The following DRC3 variants were observed in gnomAD, a reference collection of about 807,000 sequenced individuals.
DRC3 encodes leucine rich repeat containing 48.
In DRC3, 45 loss-of-function variants were observed where a neutral mutation model predicts 57.6. The observed-to-expected ratio is 0.78, with a 90% CI of 0.62 to 1.00. The LOEUF is 1.00. Ranked by LOEUF, DRC3 falls within the 50% of genes least tolerant of loss-of-function variation. The pLI is 0.00. For synonymous variants in DRC3, 257 were observed against 272.3 expected, an observed-to-expected ratio of 0.94 and a Z score of 0.55; for missense variants, 655 against 675.2, an observed-to-expected ratio of 0.97 and a Z score of 0.33.
At position 18,007,152 on chromosome 17, in the gene DRC3, G is replaced by GCGGGGCGGGCGGAGCATGT; in HGVS notation, c.1326+15_1326+16insGGAGCATGTCGGGGCGGGC. Reference sequence around the variant, plus strand: ...CTGCCTAACGACCTGCGCGCGGTAGGCGGGGCGGGCTGCTCGGAGCCTGAC... The same window carrying GCGGGGCGGGCGGAGCATGT: ...CTGCCTAACGACCTGCGCGCGGTAGGCGGGGCGGGCGGAGCATGTCGGGGCGGGCTGCTCGGAGCCTGAC... On this transcript the variant is annotated splice_donor_region_variant and intron_variant, in intron 12 of 13. Transcript: ENST00000399187. The GCGGGGCGGGCGGAGCATGT allele has an allele frequency of 2.1e-6, 2 of 939,980 alleles. No homozygotes were observed. Among genetic ancestry groups the GCGGGGCGGGCGGAGCATGT allele is most frequent in the Non-Finnish European group, 3.0e-6 (2 of 662,998 alleles). The allele number at this position is 939,980 out of a possible 1,614,324, so 58.2% of individuals were successfully genotyped here. A position where few individuals can be genotyped will look rare whatever the true frequency, so the allele number is the denominator to read the frequency against.
chr17:17,980,913 T>C (rs2042647797), intron 3 of DRC3, among the ~76,000 whole-genome samples: 1 of 152,214 alleles, frequency 6.6e-6, no homozygotes, highest in African/African-American at 2.4e-5. Context: ...ATTTGTATTT[T>C]TTATTTTTTT....
At chr17:17,985,227 A>G (rs1339933162) in intron 4 of DRC3, among the ~76,000 whole-genome samples, 2 of 152,150 alleles carry the variant, frequency 1.3e-5, no homozygotes, top group African/African-American at 2.4e-5. Flanking sequence ...TCCCTAACAG[A>G]AGCTTATTTT....
At chr17:17,994,960 G>A in intron 7 of DRC3, 39 bp from the exon 8 acceptor site, 1 of 1,500,876 alleles carries the variant, frequency 6.7e-7, no homozygotes, top group Non-Finnish European at 9.3e-7. Context: ...AGGGGCCCCT[G>A]ACAGGAGCCG....
chr17:18,002,986 A>T (rs1228819748), intron 9 of DRC3, among the ~76,000 whole-genome samples: 2 of 152,194 alleles, frequency 1.3e-5, no homozygotes, highest in East Asian at 3.8e-4. Flanking sequence ...TTCACAAGCA[A>T]AATGAAGGCT....
At chr17:17,997,976 A>G (rs1223702938) in intron 9 of DRC3, among the ~76,000 whole-genome samples, 1 of 152,214 alleles carries the variant, frequency 6.6e-6, no homozygotes, top group Non-Finnish European at 1.5e-5. Context: ...CTATTTTGAC[A>G]GTAATGATTA....
chr17:18,013,172 A>G (rs2044228248), intron 12 of DRC3, among the ~76,000 whole-genome samples: 1 of 152,228 alleles, frequency 6.6e-6, no homozygotes, highest in Non-Finnish European at 1.5e-5. Context: ...TGAGGATGCA[A>G]AGAAAAAGGA....
chr17:17,999,236 G>T (rs2043588891), intron 9 of DRC3, among the ~76,000 whole-genome samples: 1 of 152,206 alleles, frequency 6.6e-6, no homozygotes, highest in African/African-American at 2.4e-5. Flanking sequence ...TTGCGGGCCA[G>T]CTCCTCAAAG....
rs143864842 is a variant in DRC3 at position 18,008,329 on chromosome 17, G to A, written c.1326+1182G>A. 2.6e-3 allele frequency among the ~76,000 whole-genome samples: 398 copies of A among 152,312 alleles called. No individual in the cohort carries two copies. The highest frequency in any genetic ancestry group is 9.1e-3 in the African/African-American group (380 of 41,564). ...CTGTATCACATGCCCCATTTATCAG[G>A]TCAGGTCAGAGCCTCATCATAGTTT... On this transcript the variant is annotated intron_variant, in intron 12 of 13. Coordinates refer to ENST00000399187, the MANE Select transcript of DRC3 (RefSeq NM_031294.4). This position sits in a 1 kb window ranked among gnomAD's most constrained non-coding sequence, Gnocchi z 4.3.
At chr17:17,981,322 C>A (rs771675435) in intron 3 of DRC3, 2 of 246,346 alleles carry the variant, frequency 8.1e-6, no homozygotes, top group Non-Finnish European at 1.8e-5. Flanking sequence ...CCTATCCCTG[C>A]AGACGGGACA....
chr17:17,985,755 G>C (rs868423618), intron 4 of DRC3, among the ~76,000 whole-genome samples: 1 of 152,250 alleles, frequency 6.6e-6, no homozygotes, highest in Middle Eastern at 3.4e-3. Flanking sequence ...GTAAACACTT[G>C]CTAGCACACC....
intron 8 of DRC3, among the ~76,000 whole-genome samples, chr17:17,996,083 C>T (rs2043447480): frequency 6.6e-6 from 1 of 152,204 alleles, no homozygotes; most frequent in Non-Finnish European, 1.5e-5. Flanking sequence ...TGCAATTGCG[C>T]AATCTCAGCT....
intron 9 of DRC3, among the ~76,000 whole-genome samples, chr17:18,004,047 C>G (rs1001288834): frequency 1.3e-5 from 2 of 152,092 alleles, no homozygotes; most frequent in African/African-American, 4.8e-5. Context: ...TCCTTCTACC[C>G]TGCCTACCAG....
intron 7 of DRC3, 129 bp downstream of exon 7, chr17:17,994,547 C>G: frequency 3.9e-6 from 5 of 1,279,706 alleles, no homozygotes; most frequent in Non-Finnish European, 5.3e-6. Flanking sequence ...TCCACAGGGC[C>G]TGATGCCCTC....
At chr17:17,995,146 C>T (rs1323365633) in intron 8 of DRC3, 35 bp downstream of exon 8, 24 of 1,502,326 alleles carry the variant, frequency 1.6e-5, no homozygotes, top group Non-Finnish European at 2.2e-5. Context: ...CTCAGAGCCT[C>T]TGCCACCAGC....
At chr17:17,988,745 G>A (rs1265917106) in intron 5 of DRC3, among the ~76,000 whole-genome samples, 1 of 152,170 alleles carries the variant, frequency 6.6e-6, no homozygotes, top group East Asian at 1.9e-4. Context: ...TCAGTCAGGT[G>A]GCCTGGGTTC....
rs1568540212 is a variant in DRC3, at chr17:18,008,627, C to T, written c.1326+1480C>T. Reference sequence around the variant, plus strand: ...ACTTCCACAGCCTCTGTCCTGGGGCCCAGACAGACACCCAACATAGCAGTG... The same window carrying T: ...ACTTCCACAGCCTCTGTCCTGGGGCTCAGACAGACACCCAACATAGCAGTG... On this transcript the variant is annotated intron_variant, in intron 12 of 13. Transcript: ENST00000399187. This position sits in a 1 kb window ranked among gnomAD's most constrained non-coding sequence, Gnocchi z 4.3. Among the ~76,000 whole-genome samples the T allele has an allele frequency of 6.6e-6, 1 of 152,202 alleles. No homozygotes were observed. Among genetic ancestry groups the T allele is most frequent in the African/African-American group, 2.4e-5 (1 of 41,442 alleles).
intron 9 of DRC3, among the ~76,000 whole-genome samples, chr17:17,998,087 T>C (rs2043538127): frequency 6.6e-6 from 1 of 152,200 alleles, no homozygotes; most frequent in Admixed American, 6.5e-5. Context: ...GTTCCTGCCC[T>C]TGTGGGGCTC....
chr17:17,997,249 A>C (rs1292594200), intron 8 of DRC3, among the ~76,000 whole-genome samples: 1 of 152,094 alleles, frequency 6.6e-6, no homozygotes, highest in Non-Finnish European at 1.5e-5. Context: ...GTGGGGATGC[A>C]CCAAACACAC....
intron 2 of DRC3, among the ~76,000 whole-genome samples, chr17:17,977,242 CAG>C (rs2042430586): frequency 6.6e-6 from 1 of 152,186 alleles, no homozygotes; most frequent in South Asian, 2.1e-4. Flanking sequence ...CATACAAAGT[CAG>C]AGGCCTGACA....
Sources: gnomAD v4.1 joint callset for allele counts (sites outside exome capture counted in the v4.1 genomes callset) on GRCh38, gnomAD v4.1.1 for gene constraint, Gnocchi (gnomAD v3.1) non-coding constraint, MANE v1.5 for transcripts, NCBI Gene and HGNC (gene_info 2026-07-23, HGNC 2026-07-21) for gene names.